Variants in GRIP1 observed in about 807,000 individuals in gnomAD.
The protein encoded by GRIP1 is glutamate receptor-interacting protein 1.
In GRIP1, 45 loss-of-function variants were observed where a neutral mutation model predicts 129.9. That is an observed-to-expected ratio of 0.35 (90% CI 0.27 to 0.44). The LOEUF is 0.44. Ranked by LOEUF, GRIP1 falls within the 20% of genes least tolerant of loss-of-function variation. The probability of loss-of-function intolerance (pLI) is 1.00; values close to 1 mark genes in which losing one functional copy is unlikely to be tolerated. For synonymous variants in GRIP1, 530 were observed against 520.8 expected (o/e 1.02, Z -0.24); for missense variants, 1,196 against 1,396.8 (o/e 0.86, Z 2.29).
intron 1 of GRIP1, among the ~76,000 whole-genome samples, chr12:66,662,577 T>C (rs576707687): frequency 2.0e-5 from 3 of 152,310 alleles, no homozygotes; most frequent in East Asian, 1.9e-4. Flanking sequence ...AATTATTTCA[T>C]GATGCATTTT....
intron 1 of GRIP1, among the ~76,000 whole-genome samples, chr12:67,068,690 T>A (rs1436462142): frequency 7.0e-6 from 1 of 142,736 alleles, no homozygotes; most frequent in Admixed American, 7.0e-5. Context: ...ATGCCCACCA[T>A]CACCCCCCAG....
intron 1 of GRIP1, among the ~76,000 whole-genome samples, chr12:66,724,343 G>A (rs545021357): frequency 6.6e-6 from 1 of 152,306 alleles, no homozygotes; most frequent in South Asian, 2.1e-4. Flanking sequence ...TGACTTCTTG[G>A]TTAAAGCCAG....
chr12:66,634,975 C>A (rs934977121), intron 1 of GRIP1, among the ~76,000 whole-genome samples: 2 of 152,126 alleles, frequency 1.3e-5, no homozygotes, highest in Non-Finnish European at 2.9e-5. Context: ...ATTATTTGTT[C>A]ATTTGGCTAT....
At chr12:66,450,176 C>T (rs570038188) in intron 11 of GRIP1, among the ~76,000 whole-genome samples, 4 of 151,432 alleles carry the variant, frequency 2.6e-5, no homozygotes, top group South Asian at 4.2e-4. Context: ...TGGTGGCAGG[C>T]GCCTGTAGTC....
rs566416966 is a variant in GRIP1 at position 66,465,267 on chromosome 12, A to G, written c.872+8T>C. The G allele has an allele frequency of 2.5e-6, 4 of 1,612,996 alleles. No homozygotes were observed. The highest frequency in any genetic ancestry group is 1.1e-5 in the South Asian group (1 of 91,046). On this transcript the variant is annotated splice_region_variant and intron_variant, in intron 8 of 24. Coordinates refer to ENST00000359742, the MANE Select transcript of GRIP1 (RefSeq NM_001366722.1). Reference sequence around the variant, plus strand: ...GGCGGAAAAGTAGGCACTTTCTACAATACTTACCTGTCTGCAATACTTGCA... The same window carrying G: ...GGCGGAAAAGTAGGCACTTTCTACAGTACTTACCTGTCTGCAATACTTGCA...
chr12:66,462,823 A>C lies in GRIP1; in HGVS notation c.1042+101T>G, dbSNP rs571907097. The C allele has an allele frequency of 1.9e-3, 1,230 of 656,050 alleles. 7 individuals are homozygous for C. The East Asian group carries it at 0.027, about 14-fold the overall frequency. The allele number at this position is 656,050 out of a possible 1,614,324, so 40.6% of individuals were successfully genotyped here. A position where few individuals can be genotyped will look rare whatever the true frequency, so the allele number is the denominator to read the frequency against. ...TCTCAAAAAAAAAAAAAAAAAAAAA[A>C]GGCAGAATGAGACCCAGTGTCTTTC... On this transcript the variant is annotated intron_variant, in intron 9 of 24. Coordinates refer to ENST00000359742, the MANE Select transcript of GRIP1 (RefSeq NM_001366722.1).
At chr12:66,562,208 G>C (rs1200044545) in intron 2 of GRIP1, among the ~76,000 whole-genome samples, 1 of 152,150 alleles carries the variant, frequency 6.6e-6, no homozygotes, top group Non-Finnish European at 1.5e-5. Flanking sequence ...ATAACTCAAA[G>C]CACATGCATG....
intron 23 of GRIP1, among the ~76,000 whole-genome samples, chr12:66,369,183 A>C (rs1236449550): frequency 6.6e-6 from 1 of 152,174 alleles, no homozygotes; most frequent in Non-Finnish European, 1.5e-5. Context: ...AGGAAAAAAG[A>C]AGCATCCTAC....
At chr12:66,448,801 C>T (rs929131689) in intron 11 of GRIP1, among the ~76,000 whole-genome samples, 30 of 152,204 alleles carry the variant, frequency 2.0e-4, no homozygotes, top group African/African-American at 6.5e-4. Context: ...TGCTAACAGC[C>T]TCCAATTGCT....
At position 66,828,723 on chromosome 12, in the gene GRIP1, G is replaced by A. The variant is rs770626630; in HGVS notation, c.59-231796C>T. Among the ~76,000 whole-genome samples, 7 of 152,256 alleles carry A rather than the reference G, an allele frequency of 4.6e-5. No homozygotes were observed. In the East Asian group the frequency reaches 9.6e-4, roughly 21 times the overall value. On this transcript the variant is annotated intron_variant, in intron 1 of 1. Coordinates refer to the GRIP1 transcript ENST00000643019. ...TTCAGCTCCAACTCCTTGGTCAGGC[G>A]AGGAGGCCTTCTGAGAGTCGCACTA... is the stretch of plus-strand genomic sequence containing the variant.
intron 1 of GRIP1, among the ~76,000 whole-genome samples, chr12:66,992,386 T>A (rs1252012413): frequency 6.8e-6 from 1 of 147,964 alleles, no homozygotes; most frequent in African/African-American, 2.4e-5. Context: ...AAAAAAAATT[T>A]TTTTTTAAAT....
intron 7 of GRIP1, among the ~76,000 whole-genome samples, chr12:66,473,695 T>G (rs142373621): frequency 6.6e-6 from 1 of 152,210 alleles, no homozygotes; most frequent in Non-Finnish European, 1.5e-5. Context: ...AAAGAGGGTC[T>G]GCAGTGGACA....
intron 1 of GRIP1, among the ~76,000 whole-genome samples, chr12:67,053,940 A>G (rs555761826): frequency 4.6e-5 from 7 of 152,348 alleles, no homozygotes; most frequent in African/African-American, 1.7e-4. Flanking sequence ...ATAATTTGAA[A>G]ATTTAGACAT....
chr12:66,842,424 C>A (rs2039736302), intron 1 of GRIP1, among the ~76,000 whole-genome samples: 1 of 152,142 alleles, frequency 6.6e-6, no homozygotes. Flanking sequence ...TGGATCCCAG[C>A]ATCTCCACTC....
intron 1 of GRIP1, among the ~76,000 whole-genome samples, chr12:66,872,058 G>A (rs2040305338): frequency 6.6e-6 from 1 of 151,956 alleles, no homozygotes; most frequent in African/African-American, 2.4e-5. Context: ...CTATATTTGG[G>A]AAATTTGCAG....
intron 1 of GRIP1, among the ~76,000 whole-genome samples, chr12:66,743,159 C>T (rs2036840920): frequency 6.6e-6 from 1 of 152,010 alleles, no homozygotes; most frequent in Non-Finnish European, 1.5e-5. Context: ...TAACATCTAC[C>T]CCAGGGATTA....
At chr12:67,032,238 C>A (rs1416582005) in intron 1 of GRIP1, among the ~76,000 whole-genome samples, 1 of 152,184 alleles carries the variant, frequency 6.6e-6, no homozygotes, top group Non-Finnish European at 1.5e-5. Flanking sequence ...AAGCTTCGCA[C>A]ATGAACAGAA....
chr12:66,736,021 AC>A, intron 1 of GRIP1, among the ~76,000 whole-genome samples: 1 of 152,116 alleles, frequency 6.6e-6, no homozygotes, highest in African/African-American at 2.4e-5. Context: ...GTGAACATAA[AC>A]AGTTCACCCT....
chr12:66,353,759 A>G (rs540519598), intron 23 of GRIP1, among the ~76,000 whole-genome samples, 196 bp from the exon 24 acceptor site: 9 of 152,192 alleles, frequency 5.9e-5, no homozygotes, highest in African/African-American at 2.2e-4. Flanking sequence ...TGAATTCCCA[A>G]CCAAAGCTGA....
Sources: allele counts gnomAD v4.1 joint callset (sites outside exome capture counted in the v4.1 genomes callset), GRCh38; gene constraint gnomAD v4.1.1; transcripts MANE v1.5; gene names NCBI Gene and HGNC (gene_info 2026-07-23, HGNC 2026-07-21).